DLST: variants seen among roughly 807,000 people sequenced by gnomAD.
The protein encoded by DLST is dihydrolipoyllysine-residue succinyltransferase component of 2-oxoglutarate dehydrogenase complex, mitochondrial.
Under a neutral mutation model 53.1 loss-of-function variants are expected in DLST, and 17 were observed. The observed-to-expected ratio is 0.32, with a 90% CI of 0.22 to 0.48. The LOEUF is 0.48. Ranked by LOEUF, DLST falls within the 20% of genes least tolerant of loss-of-function variation. The pLI is 0.99. For synonymous variants in DLST, 206 were observed against 204.8 expected (o/e 1.01, Z -0.05); for missense variants, 512 against 583.9 (o/e 0.88, Z 1.27).
intron 13 of DLST, 77 bp downstream of exon 13, chr14:74,900,449 G>A (rs1884209008): frequency 7.4e-7 from 1 of 1,350,456 alleles, no homozygotes; most frequent in Non-Finnish European, 1.1e-6. Flanking sequence ...TCACTAGCAA[G>A]CAGTGCTCAT....
chr14:74,902,574 A>G lies in DLST; in HGVS notation c.*244A>G. On this transcript the variant is annotated 3_prime_UTR_variant, in exon 15 of 15. Coordinates refer to ENST00000334220, the MANE Select transcript of DLST (RefSeq NM_001933.5). Reference sequence around the variant, plus strand: ...TTAATTCCTTAGGCTTAAGAGAGAGAGCCTTAATGGATGCTCATTCATATT... The same window carrying G: ...TTAATTCCTTAGGCTTAAGAGAGAGGGCCTTAATGGATGCTCATTCATATT... 2.7e-6 allele frequency: 1 copy of G among 364,742 alleles called. No individual in the cohort carries two copies. The highest frequency in any genetic ancestry group is 4.9e-6 in the Non-Finnish European group (1 of 203,730). 22.6% of individuals were successfully genotyped at this position (364,742 alleles called of 1,614,324 possible).
In DLST at chr14:74,903,420, C is replaced by T. The variant is rs13391; in HGVS notation, c.*1090C>T. 48,517 of 151,914 alleles carry T rather than the reference C, an allele frequency of 0.32. 9,237 individuals are homozygous for T. The highest frequency in any genetic ancestry group is 0.53 in the African/African-American group (21,877 of 41,362). The allele number at this position is 151,914 out of a possible 1,614,324, so 9.4% of individuals were successfully genotyped here. ...AGGGTGTTAGTACCTAGTGGTGAAA[C>T]GGATGAGGTCATTTCTAAGGTGTGT... On this transcript the variant is annotated 3_prime_UTR_variant, in exon 15 of 15. Coordinates refer to ENST00000334220, the MANE Select transcript of DLST (RefSeq NM_001933.5).
At chr14:74,892,793 TTCAGACA>T in intron 7 of DLST, 34 bp from the exon 8 acceptor site, 1 of 1,548,380 alleles carries the variant, frequency 6.5e-7, no homozygotes, top group African/African-American at 1.4e-5. Context: ...TGCTTCTCAT[TTCAGACA>T]GTGCCAGTGG....
At chr14:74,896,995 C>G (rs552150892) in intron 10 of DLST, among the ~76,000 whole-genome samples, 2 of 152,324 alleles carry the variant, frequency 1.3e-5, no homozygotes, top group East Asian at 3.9e-4. Context: ...TTTCTGAGAC[C>G]TTCTCCCTTC....
Position 74,884,370 on chromosome 14 carries a change from A to G in DLST, c.98-1216A>G, listed in dbSNP as rs1337020128. ...AGTGGGAACCCTGAACAATGTCAGT[A>G]AACATTTTCTCCACTTCATAGGTGG... is the stretch of plus-strand genomic sequence containing the variant. On this transcript the variant is annotated intron_variant, in intron 2 of 14. Transcript: ENST00000334220. Among the ~76,000 whole-genome samples the G allele has an allele frequency of 3.9e-5, 6 of 152,214 alleles. No individual in the cohort carries two copies. In the South Asian group the frequency reaches 1.0e-3, roughly 26 times the overall value.
chr14:74,900,316 G>A lies in DLST; in HGVS notation c.1003G>A (p.Val335Met). Residue 335 changes from valine (V) to methionine (M), a missense_variant, in exon 13 of 15, where the codon GTG (valine) becomes ATG (methionine). Val to Met is a conservative substitution (Grantham distance 21). Coordinates refer to ENST00000334220, the MANE Select transcript of DLST (RefSeq NM_001933.5). Reference protein sequence around the residue: ...RGLVVPVIRNVEAMNFADIER... With the variant: ...RGLVVPVIRNMEAMNFADIER... ...TCTGGTGGTTCCAGTCATCAGGAAT[G>A]TGGAAGCTATGAATTTTGCAGATAT... 1 of 1,614,024 alleles carries A rather than the reference G, an allele frequency of 6.2e-7. No individual in the cohort carries two copies.
At position 74,902,437 on chromosome 14, in the gene DLST, T is replaced by C; in HGVS notation, c.*107T>C. On this transcript the variant is annotated 3_prime_UTR_variant, in exon 15 of 15. Transcript: ENST00000334220. ...AGCCTGGTGACAGGCAGACACATGC[T>C]GTTGGCCTCAAGCAAGGAAGCAGAG... The C allele has an allele frequency of 7.1e-7, 1 of 1,406,586 alleles. No homozygotes were observed. Among genetic ancestry groups the C allele is most frequent in the Non-Finnish European group, 9.5e-7 (1 of 1,049,722 alleles). The allele number at this position is 1,406,586 out of a possible 1,614,324, so 87.1% of individuals were successfully genotyped here. A position where few individuals can be genotyped will look rare whatever the true frequency, so the allele number is the denominator to read the frequency against.
chr14:74,888,721 A>C (rs934569947), intron 3 of DLST, among the ~76,000 whole-genome samples: 14 of 152,150 alleles, frequency 9.2e-5, no homozygotes, highest in African/African-American at 3.4e-4. Context: ...AAAAACAAAA[A>C]ACCAAATCAA....
Position 74,901,238 on chromosome 14 carries a change from G to A in DLST, c.1227+5G>A. On this transcript the variant is annotated splice_donor_5th_base_variant and intron_variant, in intron 14 of 14. Transcript: ENST00000334220. ...CCAGTGGCTATAGGAGGCAAGGTAGGAACCGTCACTTCTAAGGTCCTAGTG... is the reference window on the plus strand; with the variant it reads ...CCAGTGGCTATAGGAGGCAAGGTAGAAACCGTCACTTCTAAGGTCCTAGTG... The A allele has an allele frequency of 6.2e-7, 1 of 1,613,480 alleles. No individual in the cohort carries two copies. The highest frequency in any genetic ancestry group is 1.3e-5 in the African/African-American group (1 of 75,008).
intron 2 of DLST, among the ~76,000 whole-genome samples, chr14:74,883,488 G>T (rs1883602257): frequency 6.6e-6 from 1 of 151,514 alleles, no homozygotes; most frequent in Non-Finnish European, 1.5e-5. Context: ...ATAGAAGATG[G>T]TATAGAGACT....
rs1365743677 is a variant in DLST, at chr14:74,885,598, G to A, written c.110G>A (p.Cys37Tyr). ...TTGTTTCTTGCAGGGGTCTCCTTAT[G>A]CCAGGGACCAGGTTACCCTAACAGC... The part of the protein sequence containing the change: ...GRRSLPGVSL[C>Y]QGPGYPNSRK... Residue 37 changes from cysteine to tyrosine, a missense_variant, in exon 3 of 15, where the codon TGC becomes TAC. Physicochemically the swap from Cys to Tyr is radical, Grantham distance 194. Around this residue, in one of 4 missense-constraint regions of DLST, gnomAD observed 129 missense variants for 90.9 expected, o/e 1.42. Transcript: ENST00000334220. 1.2e-6 allele frequency: 2 copies of A among 1,613,988 alleles called. No individual in the cohort carries two copies. Among genetic ancestry groups the A allele is most frequent in the African/African-American group, 1.3e-5 (1 of 74,926 alleles).
Position 74,889,264 on chromosome 14 carries a change from A to G in DLST, c.200-11A>G. The G allele has an allele frequency of 6.2e-7, 1 of 1,611,724 alleles. No individual in the cohort carries two copies. The highest frequency in any genetic ancestry group is 8.5e-7 in the Non-Finnish European group (1 of 1,179,466). On this transcript the variant is annotated splice_polypyrimidine_tract_variant and intron_variant, in intron 4 of 14. Transcript: ENST00000334220. ...AACTACTTATGATTTTCTTTTTTGC[A>G]TTTTTCCTAGAGGATGACTTGGTTA...
intron 7 of DLST, 65 bp from the exon 8 acceptor site, chr14:74,892,769 A>G: frequency 6.6e-7 from 1 of 1,518,066 alleles, no homozygotes; most frequent in Non-Finnish European, 8.9e-7. Flanking sequence ...TTTTGCCACT[A>G]AATTTTGCTT....
chr14:74,894,033 C>A (rs1412813503), intron 9 of DLST, among the ~76,000 whole-genome samples: 1 of 152,188 alleles, frequency 6.6e-6, no homozygotes, highest in African/African-American at 2.4e-5. Context: ...ACACTACATT[C>A]TTTTATAAAT....
chr14:74,882,462 C>T lies in DLST; in HGVS notation c.64-129C>T, dbSNP rs1455783821. The T allele has an allele frequency of 1.5e-5, 13 of 860,624 alleles. No individual in the cohort carries two copies. The South Asian group carries it at 1.8e-4, about 12-fold the overall frequency. The allele number at this position is 860,624 out of a possible 1,614,324, so 53.3% of individuals were successfully genotyped here. On this transcript the variant is annotated intron_variant, in intron 1 of 14. Coordinates refer to ENST00000334220, the MANE Select transcript of DLST (RefSeq NM_001933.5). ...TTGGGTCTGCCAGCACGGTGTGTTG[C>T]ATTTACCTTCGGAGTTACGAGATTC...
chr14:74,887,991 A>C (rs1227610662), intron 3 of DLST, among the ~76,000 whole-genome samples: 1 of 152,212 alleles, frequency 6.6e-6, no homozygotes, highest in Non-Finnish European at 1.5e-5. Context: ...TCCCCATCCA[A>C]ATCATTCTCC....
At chr14:74,889,205 TTTAA>T (rs1227903129) in intron 4 of DLST, 58 bp downstream of exon 4, 2 of 1,608,070 alleles carry the variant, frequency 1.2e-6, no homozygotes, top group South Asian at 1.1e-5. Context: ...ATTGATTGAG[TTTAA>T]TTAAAGAAAA....
rs2140197091 is a variant in DLST at position 74,894,394 on chromosome 14, A to T, written c.755A>T (p.Asn252Ile). Residue 252 changes from asparagine (N) to isoleucine (I), a missense_variant, in exon 10 of 15, where the codon AAT becomes ATT. Asn to Ile is a moderately radical substitution (Grantham distance 149). Around this residue, in one of 4 missense-constraint regions of DLST, gnomAD observed 162 missense variants for 162.0 expected, o/e 1.00. Coordinates refer to ENST00000334220, the MANE Select transcript of DLST (RefSeq NM_001933.5). ...ACATGTGCAATGCTGACAACTTTTAATGAGATTGACATGAGGTAGTGTCTC... is the reference window on the plus strand; with the variant it reads ...ACATGTGCAATGCTGACAACTTTTATTGAGATTGACATGAGGTAGTGTCTC... ...QNTCAMLTTFNEIDMSNIQEM... is the reference protein window; with the variant it reads ...QNTCAMLTTFIEIDMSNIQEM... 1.2e-6 allele frequency: 2 copies of T among 1,614,128 alleles called. No homozygotes were observed. Among genetic ancestry groups the T allele is most frequent in the Non-Finnish European group, 1.7e-6 (2 of 1,180,002 alleles).
At chr14:74,891,977 A>G (rs1883924276) in intron 7 of DLST, 1 of 425,452 alleles carries the variant, frequency 2.4e-6, no homozygotes, top group Non-Finnish European at 3.1e-6. Context: ...TGGGTGAAAA[A>G]CAGAAACAAA....
Sources: allele counts gnomAD v4.1 joint callset (sites outside exome capture counted in the v4.1 genomes callset), GRCh38; gene constraint gnomAD v4.1.1; regional missense constraint gnomAD v4.1.1; transcripts MANE v1.5; gene names NCBI Gene and HGNC (gene_info 2026-07-23, HGNC 2026-07-21).